Variants in NAV1 observed in about 807,000 individuals in gnomAD.
NAV1 encodes pore membrane and/or filament interacting like protein 3.
A neutral mutation model predicts 175.2 loss-of-function variants in NAV1; 18 were observed. The ratio of observed to expected loss-of-function variants is 0.10; its 90% CI spans 0.07 to 0.15. NAV1 has a LOEUF of 0.15. Among genes scored for constraint, NAV1 ranks in the 10% least tolerant of loss-of-function variants. The pLI is 1.00. For missense variants in NAV1, 1,731 were observed against 2,436.6 expected (o/e 0.71, Z 6.10); for synonymous variants, 897 against 978.7 (o/e 0.92, Z 1.56).
At chr1:201,629,556 C>CTAGA (rs1379566661) in intron 2 of NAV1, 49 bp downstream of exon 4, 6 of 1,192,746 alleles carry the variant, frequency 5.0e-6, no homozygotes, top group South Asian at 2.7e-5. Flanking sequence ...GGCCACTGTG[C>CTAGA]TAGAGCTGCC....
intron 2 of NAV1, among the ~76,000 whole-genome samples, chr1:201,590,842 A>G (rs976712830): frequency 1.3e-5 from 2 of 152,208 alleles, no homozygotes; most frequent in Non-Finnish European, 2.9e-5. Context: ...AGGTGTTAGA[A>G]GGGCGGACTG....
chr1:201,793,505 C>G (rs1677239739), intron 13 of NAV1: 1 of 386,300 alleles, frequency 2.6e-6, no homozygotes, highest in African/African-American at 2.1e-5. Flanking sequence ...ATAGTCCTAC[C>G]TCTGGTAGTT....
chr1:201,772,901 C>T (rs984863976), intron 3 of NAV1, among the ~76,000 whole-genome samples: 15 of 151,978 alleles, frequency 9.9e-5, no homozygotes, highest in South Asian at 2.1e-4. Context: ...GGCGTGGTGG[C>T]GGGTGCTTGT....
chr1:201,659,995 C>A (rs1258838248), intron 1 of NAV1, among the ~76,000 whole-genome samples: 1 of 152,086 alleles, frequency 6.6e-6, no homozygotes, highest in African/African-American at 2.4e-5. Flanking sequence ...CCAGGTGTCC[C>A]TAGGAGCTAT....
At chr1:201,765,633 G>A (rs980886865) in intron 3 of NAV1, among the ~76,000 whole-genome samples, 13 of 152,066 alleles carry the variant, frequency 8.5e-5, no homozygotes, top group Admixed American at 2.0e-4. Context: ...AAGCTCAGGC[G>A]ATCCGCCCAC....
upstream of NAV1, among the ~76,000 whole-genome samples, chr1:201,647,033 A>G (rs1356075468): frequency 6.6e-6 from 1 of 152,194 alleles, no homozygotes; most frequent in Non-Finnish European, 1.5e-5. Flanking sequence ...TCTGATGGTT[A>G]GACATTCTGG....
chr1:201,825,571 G>A (rs1329749205), exon 30 of NAV1: 3 of 152,292 alleles, frequency 2.0e-5, no homozygotes, highest in Admixed American at 6.5e-5. Context: ...TTCAGTCCTT[G>A]TGCTCCTCCT....
intron 1 of NAV1, among the ~76,000 whole-genome samples, chr1:201,670,787 G>A (rs1670013300): frequency 6.6e-6 from 1 of 152,014 alleles, no homozygotes; most frequent in Non-Finnish European, 1.5e-5. Flanking sequence ...GTTGGTGGTA[G>A]AGATTATGGT....
chr1:201,814,815 G>A (rs984392282), intron 28 of NAV1, among the ~76,000 whole-genome samples: 4 of 152,050 alleles, frequency 2.6e-5, no homozygotes, highest in Admixed American at 6.5e-5. Flanking sequence ...CAAGGCAGGC[G>A]GATCACAAGG....
intron 1 of NAV1, among the ~76,000 whole-genome samples, chr1:201,541,787 G>A (rs762984457): frequency 2.0e-5 from 3 of 152,080 alleles, no homozygotes; most frequent in Non-Finnish European, 2.9e-5. Context: ...TTTTAAAGGA[G>A]TGCTGTTTTT....
At chr1:201,550,179 T>A (rs551838820) in intron 1 of NAV1, among the ~76,000 whole-genome samples, 1 of 152,148 alleles carries the variant, frequency 6.6e-6, no homozygotes, top group Non-Finnish European at 1.5e-5. Context: ...TCACTTTTTT[T>A]TTGTTTTTAA....
intron 1 of NAV1, among the ~76,000 whole-genome samples, chr1:201,540,344 G>A (rs1665476591): frequency 6.6e-6 from 1 of 152,200 alleles, no homozygotes; most frequent in Admixed American, 6.5e-5. Flanking sequence ...CTGGCTTCCT[G>A]TTTCAATGAT....
At chr1:201,557,451 C>T (rs1666058029) in intron 1 of NAV1, among the ~76,000 whole-genome samples, 1 of 152,212 alleles carries the variant, frequency 6.6e-6, no homozygotes, top group African/African-American at 2.4e-5. Context: ...AGGACATTTA[C>T]TCCCCATGGG....
intron 2 of NAV1, among the ~76,000 whole-genome samples, chr1:201,590,450 A>G (rs1235151716): frequency 1.3e-5 from 2 of 152,240 alleles, no homozygotes; most frequent in Non-Finnish European, 2.9e-5. Context: ...AATGAAATTC[A>G]ATGAGTTTTG....
chr1:201,746,211 G>A (rs989093168), intron 3 of NAV1, among the ~76,000 whole-genome samples: 2 of 152,184 alleles, frequency 1.3e-5, no homozygotes, highest in Middle Eastern at 3.4e-3. Flanking sequence ...AGTTTCTAGG[G>A]GCCAGGGGAT....
At chr1:201,664,664 G>A (rs1335494637) in intron 1 of NAV1, among the ~76,000 whole-genome samples, 3 of 152,212 alleles carry the variant, frequency 2.0e-5, no homozygotes, top group Non-Finnish European at 2.9e-5. Flanking sequence ...AGGAGACACA[G>A]TGCTGCACTC....
At chr1:201,575,646 A>G (rs1346790568) in intron 1 of NAV1, among the ~76,000 whole-genome samples, 1 of 152,216 alleles carries the variant, frequency 6.6e-6, no homozygotes, top group African/African-American at 2.4e-5. Context: ...AAACAAGGAC[A>G]AATACCTAAT....
intron 2 of NAV1, among the ~76,000 whole-genome samples, chr1:201,639,442 G>A (rs538201971): frequency 4.3e-4 from 65 of 152,314 alleles, no homozygotes; most frequent in African/African-American, 1.3e-3. Context: ...GAGAAACCCC[G>A]TGCCTTGTTG....
chr1:201,623,279 A>C (rs1668229490), exon 1 of NAV1: 6 of 985,930 alleles, frequency 6.1e-6, no homozygotes, highest in Non-Finnish European at 6.0e-6. Context: ...AAGAAGAAAA[A>C]AGCCCAGGAA....
Sources: gnomAD v4.1 joint callset for allele counts (sites outside exome capture counted in the v4.1 genomes callset) on GRCh38, gnomAD v4.1.1 for gene constraint, MANE v1.5 for transcripts, NCBI Gene and HGNC (gene_info 2026-07-23, HGNC 2026-07-21) for gene names.